Variants in CSPG4 observed in about 807,000 individuals in gnomAD.
CSPG4 encodes chondroitin sulfate proteoglycan 4.
In CSPG4, 74 loss-of-function variants were observed where a neutral mutation model predicts 139.3. The observed-to-expected ratio is 0.53, with a 90% CI of 0.44 to 0.64. The LOEUF is 0.64. CSPG4 is among the 30% of genes least tolerant of loss of function. The pLI is 0.00. For missense variants in CSPG4, 2,565 were observed against 3,148.3 expected (o/e 0.81, Z 4.43); for synonymous variants, 1,234 against 1,394.2 (o/e 0.89, Z 2.56).
At chr15:75,681,364 AG>A (rs1893971306) in intron 8 of CSPG4, among the ~76,000 whole-genome samples, 2 of 141,002 alleles carry the variant, frequency 1.4e-5, no homozygotes, top group Admixed American at 1.4e-4. Context: ...GAGCTAGGAA[AG>A]GGGGCTGGGG....
chr15:75,699,518 G>C (rs1566977180), intron 1 of CSPG4, among the ~76,000 whole-genome samples: 2 of 152,216 alleles, frequency 1.3e-5, no homozygotes, highest in East Asian at 1.9e-4. Flanking sequence ...AACCCGTCTG[G>C]AAGATGAGTG....
At position 75,693,127 on chromosome 15, in the gene CSPG4, G is replaced by C. The variant is rs894820695; in HGVS notation, c.195C>G (p.Leu65=). The part of the protein sequence containing the change: ...FSTSQPEALL[L]LAAGPADHLL... ...GGTGGTCAGCTGGGCCTGCTGCCAGGAGAAGGAGGGCTTCGGGCTGGGACG... is the reference window on the plus strand; with the variant it reads ...GGTGGTCAGCTGGGCCTGCTGCCAGCAGAAGGAGGGCTTCGGGCTGGGACG... Residue 65 remains leucine (L), a synonymous_variant, in exon 2 of 10, where the codon CTC becomes CTG. Transcript: ENST00000308508. The C allele has an allele frequency of 7.6e-6, 12 of 1,576,234 alleles. No homozygotes were observed. Among genetic ancestry groups the C allele is most frequent in the African/African-American group, 5.4e-5 (4 of 74,412 alleles).
Position 75,682,163 on chromosome 15 carries a change from A to G in CSPG4, c.4950+130T>C, listed in dbSNP as rs1352029195. The G allele has an allele frequency of 2.5e-6, 3 of 1,213,604 alleles. 1 individual carries two copies. Among genetic ancestry groups the G allele is most frequent in the Admixed American group, 3.5e-5 (2 of 56,476 alleles). The allele number at this position is 1,213,604 out of a possible 1,614,324, so 75.2% of individuals were successfully genotyped here. A position where few individuals can be genotyped will look rare whatever the true frequency, so the allele number is the denominator to read the frequency against. On this transcript the variant is annotated intron_variant, in intron 8 of 9. Coordinates refer to ENST00000308508, the MANE Select transcript of CSPG4 (RefSeq NM_001897.5). ...GAGGACAGGACACTAGCGCCTGGAC[A>G]ATGGCAGGCCCGGGAACGTCTGCTG... is the stretch of plus-strand genomic sequence containing the variant.
chr15:75,682,604 C>T lies in CSPG4; in HGVS notation c.4783+3G>A, dbSNP rs534570676. 5.0e-6 allele frequency: 8 copies of T among 1,612,980 alleles called. No homozygotes were observed. Among genetic ancestry groups the T allele is most frequent in the Non-Finnish European group, 6.8e-6 (8 of 1,179,980 alleles). ...CAGGAATGCCCATGATCAGCACACCCACCTGGGCAGACAGTCAGTGTCTGG... is the reference window on the plus strand; with the variant it reads ...CAGGAATGCCCATGATCAGCACACCTACCTGGGCAGACAGTCAGTGTCTGG... On this transcript the variant is annotated splice_donor_region_variant and intron_variant, in intron 7 of 9. Transcript: ENST00000308508.
chr15:75,687,406 A>C lies in CSPG4; in HGVS notation c.3659T>G (p.Val1220Gly), dbSNP rs1357298210. The change falls in exon 3 of 10, where the codon GTG becomes GGG. Residue 1220 changes from valine (V) to glycine (G), a missense_variant. Transcript: ENST00000308508. This position sits in a 1 kb window ranked among gnomAD's most constrained non-coding sequence, Gnocchi z 5.4. ...CACTTGTAGGGTGGCATCCGTGTGC[A>C]CTGGCCCTGCTTCCACGGAGAAGGC... ...TMAFSVEAGP[V>G]HTDATLQVTI... The C allele has an allele frequency of 6.2e-7, 1 of 1,612,716 alleles. No individual in the cohort carries two copies. Among genetic ancestry groups the C allele is most frequent in the Non-Finnish European group, 8.5e-7 (1 of 1,179,972 alleles).
chr15:75,682,515 T>A, intron 7 of CSPG4, 56 bp from the exon 8 acceptor site: 1 of 1,584,396 alleles, frequency 6.3e-7, no homozygotes, highest in East Asian at 2.2e-5. Context: ...TCCAGGCCTG[T>A]GTTTGCAAAG....
rs530374431 is a variant in CSPG4, at chr15:75,698,362, G to A, written c.89-5129C>T. 7.9e-5 allele frequency among the ~76,000 whole-genome samples: 12 copies of A among 151,982 alleles called. No individual in the cohort carries two copies. In the South Asian group the frequency reaches 1.9e-3, roughly 24 times the overall value. ...GTGGCCCACCTGGGGGCTGAATGCC[G>A]GCTCTGTGAGAGCATGGACGGGCCA... On this transcript the variant is annotated intron_variant, in intron 1 of 9. Coordinates refer to ENST00000308508, the MANE Select transcript of CSPG4 (RefSeq NM_001897.5). The surrounding 1 kb of genome is among the most constrained non-coding windows in gnomAD (Gnocchi z 4.3).
At chr15:75,682,152 A>G (rs1188790728) in intron 8 of CSPG4, 141 bp downstream of exon 8, 29 of 1,088,810 alleles carry the variant, frequency 2.7e-5, no homozygotes, top group Non-Finnish European at 2.7e-6. Context: ...ACAGGACACT[A>G]GCGCCTGGAC....
At chr15:75,695,155 C>T (rs989697494) in intron 1 of CSPG4, among the ~76,000 whole-genome samples, 4 of 152,160 alleles carry the variant, frequency 2.6e-5, no homozygotes, top group African/African-American at 9.7e-5. Context: ...ATTTACCTAT[C>T]CAGCACCCAC....
chr15:75,712,421 T>G (rs1596015758), intron 1 of CSPG4, among the ~76,000 whole-genome samples: 1 of 152,182 alleles, frequency 6.6e-6, no homozygotes, highest in East Asian at 1.9e-4. Context: ...AATCCATGCC[T>G]GGGGCGCCTG....
chr15:75,690,504 A>G lies in CSPG4; in HGVS notation c.561T>C (p.Asp187=), dbSNP rs138246342. The G allele has an allele frequency of 2.1e-4, 339 of 1,609,632 alleles. No homozygotes were observed. Among genetic ancestry groups the G allele is most frequent in the Non-Finnish European group, 2.7e-4 (313 of 1,179,090 alleles). Residue 187 remains aspartate, a synonymous_variant, in exon 3 of 10, where the codon GAT becomes GAC. Transcript: ENST00000308508. The part of the protein sequence containing the change: ...GRSLLRPLTP[D]VHEGCAEEFS... ...ACTCTTCAGCACAGCCCTCATGCAC[A>G]TCGGGGGTCAGAGGCCGGAGGAGGC...
chr15:75,686,531 A>C (rs34734843), intron 3 of CSPG4, among the ~76,000 whole-genome samples: 67,873 of 137,350 alleles, frequency 0.49, 15,688 homozygotes, highest in Middle Eastern at 0.57. Flanking sequence ...TGTTCTATGC[A>C]TTTGCCCGGA....
In CSPG4 at chr15:75,696,122, G is replaced by A. The variant is rs60465775; in HGVS notation, c.89-2889C>T. ...CCATGGGCTGCCCTCTGAGCCAGGA[G>A]AAGGGGCCCACTTCAGGCCTCAGTG... is the stretch of plus-strand genomic sequence containing the variant. On this transcript the variant is annotated intron_variant, in intron 1 of 9. Transcript: ENST00000308508. The surrounding 1 kb of genome is among the most constrained non-coding windows in gnomAD (Gnocchi z 4.2). Among the ~76,000 whole-genome samples, 680 of 152,314 alleles carry A rather than the reference G, an allele frequency of 4.5e-3. 4 individuals carry two copies. Among genetic ancestry groups the A allele is most frequent in the African/African-American group, 0.015 (622 of 41,564 alleles).
In CSPG4 at chr15:75,702,722, G is replaced by A. The variant is rs1894321609; in HGVS notation, c.89-9489C>T. On this transcript the variant is annotated intron_variant, in intron 1 of 9. Transcript: ENST00000308508. ...CGAGGGACTGCCAGAGCCAGAGACT[G>A]CTTTTCTGGGCCTGTGGTGACAGAG... Among the ~76,000 whole-genome samples, 3 of 152,258 alleles carry A rather than the reference G, an allele frequency of 2.0e-5. No individual in the cohort carries two copies. The South Asian group carries it at 6.2e-4, about 31-fold the overall frequency.
In CSPG4 at chr15:75,689,368, A is replaced by G. The variant is rs928103985; in HGVS notation, c.1697T>C (p.Leu566Pro). 4.3e-6 allele frequency: 7 copies of G among 1,612,270 alleles called. No homozygotes were observed. The highest frequency in any genetic ancestry group is 5.9e-6 in the Non-Finnish European group (7 of 1,179,870). The change falls in exon 3 of 10, where the codon CTG (leucine) becomes CCG (proline). Residue 566 changes from leucine to proline, a missense_variant. This residue lies in a region of CSPG4 where 2,316 missense variants were observed against 2,818.2 expected (regional missense o/e 0.82). Coordinates refer to ENST00000308508, the MANE Select transcript of CSPG4 (RefSeq NM_001897.5). Reference protein sequence around the residue: ...IFPHGSLMVILEHTQKPLGPE... With the variant: ...IFPHGSLMVIPEHTQKPLGPE... ...CCCCAGCGGCTTCTGCGTGTGTTCC[A>G]GGATCACCATGAGGCTGCCATGTGG...
Position 75,688,931 on chromosome 15 carries a change from G to C in CSPG4, c.2134C>G (p.Leu712Val), listed in dbSNP as rs1283196595. 6.2e-7 allele frequency: 1 copy of C among 1,612,532 alleles called. No homozygotes were observed. The highest frequency in any genetic ancestry group is 1.7e-5 in the Admixed American group (1 of 60,022). The change falls in exon 3 of 10, where the codon CTG becomes GTG. Residue 712 changes from leucine to valine, a missense_variant. Around this residue, in one of 5 missense-constraint regions of CSPG4, gnomAD observed 2,316 missense variants for 2,818.2 expected, o/e 0.82. Transcript: ENST00000308508. ...RVTGALQFGE[L>V]QKQGAGGVEG... Reference sequence around the variant, plus strand: ...ACCCCACCTGCCCCCTGCTTCTGCAGCTCCCCAAACTGCAGGGCCCCAGTG... The same window carrying C: ...ACCCCACCTGCCCCCTGCTTCTGCACCTCCCCAAACTGCAGGGCCCCAGTG...
At chr15:75,684,676 T>C (rs1328366466) in intron 5 of CSPG4, 60 bp downstream of exon 5, 32 of 1,534,658 alleles carry the variant, frequency 2.1e-5, no homozygotes, top group Admixed American at 3.6e-5. Context: ...AGCCGCGAAG[T>C]AGGGGACGCT....
rs1893909642 is a variant in CSPG4 at position 75,677,377 on chromosome 15, C to A, written c.5142G>T (p.Trp1714Cys). 7.2e-7 allele frequency: 1 copy of A among 1,394,460 alleles called. No individual in the cohort carries two copies. The highest frequency in any genetic ancestry group is 9.3e-7 in the Non-Finnish European group (1 of 1,071,182). The allele number at this position is 1,394,460 out of a possible 1,614,324, so 86.4% of individuals were successfully genotyped here. The change falls in exon 10 of 10, where the codon TGG (tryptophan) becomes TGT (cysteine). Residue 1714 changes from tryptophan to cysteine, a missense_variant. By Grantham distance (215) the Trp-to-Cys change is radical. This residue lies in a region of CSPG4 where 2,316 missense variants were observed against 2,818.2 expected (regional missense o/e 0.82). Transcript: ENST00000308508. Reference sequence around the variant, plus strand: ...TCCTGGCCCGCTGGCCCTCGGGGACCCAGAGACCTGGGGGTGGGACATAGG... The same window carrying A: ...TCCTGGCCCGCTGGCCCTCGGGGACACAGAGACCTGGGGGTGGGACATAGG... ...PSHLWKNKGL[W>C]VPEGQRARIT...
intron 3 of CSPG4, among the ~76,000 whole-genome samples, chr15:75,686,129 C>T (rs920516362): frequency 6.6e-6 from 1 of 152,230 alleles, no homozygotes; most frequent in Non-Finnish European, 1.5e-5. Flanking sequence ...ATGCCCACCC[C>T]ACACACGGTT....
Sources: allele counts gnomAD v4.1 joint callset (sites outside exome capture counted in the v4.1 genomes callset), GRCh38; gene constraint gnomAD v4.1.1; regional missense constraint gnomAD v4.1.1; non-coding constraint Gnocchi (gnomAD v3.1); transcripts MANE v1.5; gene names NCBI Gene and HGNC (gene_info 2026-07-23, HGNC 2026-07-21).